Variants in PLCL2 observed in about 807,000 individuals in gnomAD.
The protein encoded by PLCL2 is phospholipase C like 2, also known as inactive phospholipase C-like protein 2.
A neutral mutation model predicts 79.6 loss-of-function variants in PLCL2; 4 were observed. The ratio of observed to expected loss-of-function variants is 0.05; its 90% CI spans 0.02 to 0.11. PLCL2 has a LOEUF of 0.11. PLCL2 is among the 10% of genes least tolerant of loss of function. The pLI, the probability that PLCL2 is intolerant of heterozygous loss-of-function variation, is 1.00. For synonymous variants in PLCL2, 484 were observed against 457.7 expected (o/e 1.06, Z -0.73); for missense variants, 895 against 1,291.0 (o/e 0.69, Z 4.70).
intron 3 of PLCL2, among the ~76,000 whole-genome samples, chr3:17,019,090 G>A (rs1256708048): frequency 6.6e-6 from 1 of 152,116 alleles, no homozygotes; most frequent in Non-Finnish European, 1.5e-5. Context: ...GTTAGTTTCA[G>A]GTTCAGAGAT....
intron 1 of PLCL2, among the ~76,000 whole-genome samples, chr3:16,944,885 G>C (rs957763271): frequency 1.3e-5 from 2 of 151,470 alleles, no homozygotes; most frequent in African/African-American, 2.4e-5. Context: ...TCAGCCTCCC[G>C]AGTAGCTGGG....
At chr3:16,922,256 T>C (rs1010634703) in intron 1 of PLCL2, among the ~76,000 whole-genome samples, 1 of 152,228 alleles carries the variant, frequency 6.6e-6, no homozygotes, top group African/African-American at 2.4e-5. Flanking sequence ...ATTTTAAGCA[T>C]ATTACCTCCC....
intron 5 of PLCL2, among the ~76,000 whole-genome samples, chr3:17,077,564 A>G (rs1424634754): frequency 3.9e-5 from 6 of 152,222 alleles, no homozygotes; most frequent in Non-Finnish European, 8.8e-5. Flanking sequence ...AGCTTAATCA[A>G]GACTTCCTCT....
At chr3:16,905,554 A>G (rs1478941416) in intron 1 of PLCL2, among the ~76,000 whole-genome samples, 1 of 152,150 alleles carries the variant, frequency 6.6e-6, no homozygotes, top group African/African-American at 2.4e-5. Context: ...GAGAAGTATA[A>G]TTATTTACAC....
intron 4 of PLCL2, among the ~76,000 whole-genome samples, chr3:17,049,268 T>G (rs1405809213): frequency 6.6e-6 from 1 of 152,206 alleles, no homozygotes; most frequent in Non-Finnish European, 1.5e-5. Flanking sequence ...AAGGATGGTT[T>G]GATAATTTTA....
intron 5 of PLCL2, among the ~76,000 whole-genome samples, chr3:17,076,702 C>G (rs1222075880): frequency 1.3e-5 from 2 of 152,080 alleles, no homozygotes; most frequent in Admixed American, 6.5e-5. Flanking sequence ...TAGGTTTTGC[C>G]ATGTTCCCCA....
At position 17,089,007 on chromosome 3, in the gene PLCL2, C is replaced by T. The variant is rs114175602; in HGVS notation, c.3205-726C>T. ...GCTTCACTCTTTCTTTCAGCAAATG[C>T]TCAGTGAGGACCTGCTGCGTGCCCA... On this transcript the variant is annotated intron_variant, in intron 5 of 5. Coordinates refer to ENST00000615277, the MANE Select transcript of PLCL2 (RefSeq NM_001144382.2). Among the ~76,000 whole-genome samples, 778 of 152,312 alleles carry T rather than the reference C, an allele frequency of 5.1e-3. 8 individuals carry two copies. Among genetic ancestry groups the T allele is most frequent in the African/African-American group, 0.017 (718 of 41,550 alleles).
intron 1 of PLCL2, among the ~76,000 whole-genome samples, chr3:16,888,693 T>C (rs1472421847): frequency 1.3e-5 from 2 of 152,248 alleles, no homozygotes; most frequent in East Asian, 3.8e-4. Flanking sequence ...ATGGCATCCC[T>C]TATTTGCAAA....
intron 3 of PLCL2, among the ~76,000 whole-genome samples, chr3:17,039,957 A>G (rs911299760): frequency 1.3e-5 from 2 of 152,186 alleles, no homozygotes; most frequent in African/African-American, 4.8e-5. Flanking sequence ...CCATTACACT[A>G]CAAGTGCTTC....
chr3:16,977,021 C>A (rs957825635), intron 1 of PLCL2, among the ~76,000 whole-genome samples: 1 of 152,024 alleles, frequency 6.6e-6, no homozygotes, highest in African/African-American at 2.4e-5. Context: ...AGTACTGAGT[C>A]TTAAATATAA....
At chr3:17,085,661 G>A (rs1207933328) in intron 5 of PLCL2, among the ~76,000 whole-genome samples, 2 of 151,624 alleles carry the variant, frequency 1.3e-5, no homozygotes, top group African/African-American at 4.9e-5. Context: ...ATGTTAGCCA[G>A]GATGGTCTCG....
chr3:17,063,257 C>T, intron 4 of PLCL2, among the ~76,000 whole-genome samples: 1 of 33,260 alleles, frequency 3.0e-5, no homozygotes, highest in Non-Finnish European at 5.4e-5. Flanking sequence ...TTCCTCCCTT[C>T]CTCCCTTCCT....
At chr3:16,994,840 T>G (rs886550316) in intron 1 of PLCL2, among the ~76,000 whole-genome samples, 1 of 152,140 alleles carries the variant, frequency 6.6e-6, no homozygotes, top group African/African-American at 2.4e-5. Context: ...GCTCCGTTAT[T>G]ACATCCAGCA....
chr3:16,930,651 T>C (rs1226369211), intron 1 of PLCL2, among the ~76,000 whole-genome samples: 2 of 152,152 alleles, frequency 1.3e-5, no homozygotes, highest in Non-Finnish European at 2.9e-5. Context: ...CAAGTGATAC[T>C]TCTGTAAACT....
chr3:17,020,744 T>C (rs2064441436), intron 3 of PLCL2, among the ~76,000 whole-genome samples: 1 of 152,206 alleles, frequency 6.6e-6, no homozygotes, highest in African/African-American at 2.4e-5. Flanking sequence ...TAGTCTCTTC[T>C]AACACATGAC....
intron 1 of PLCL2, among the ~76,000 whole-genome samples, chr3:16,917,178 C>A (rs913474840): frequency 8.5e-5 from 13 of 152,178 alleles, no homozygotes; most frequent in Admixed American, 2.0e-4. Context: ...CAGTGTATTC[C>A]TCTTCCTTTC....
At position 17,011,535 on chromosome 3, in the gene PLCL2, C is replaced by T; in HGVS notation, c.2189C>T (p.Pro730Leu). ...GGAAACTGTGGCTATGTCCTCCGGC[C>T]AGCCATCATGAGGGAGGAGGTCTCC... ...QNGNCGYVLR[P>L]AIMREEVSFF... Residue 730 changes from proline (P) to leucine (L), a missense_variant, in exon 2 of 6, where the codon CCA (proline) becomes CTA (leucine). Pro to Leu is a moderately conservative substitution (Grantham distance 98, BLOSUM62 -3). Transcript: ENST00000615277. The surrounding 1 kb of genome is among the most constrained non-coding windows in gnomAD (Gnocchi z 7.9). The T allele has an allele frequency of 6.2e-7, 1 of 1,614,146 alleles. No homozygotes were observed. Among genetic ancestry groups the T allele is most frequent in the Non-Finnish European group, 8.5e-7 (1 of 1,180,024 alleles).
Position 16,983,434 on chromosome 3 carries a change from C to T in PLCL2, c.328-26240C>T, listed in dbSNP as rs1278989282. Among the ~76,000 whole-genome samples, 11 of 152,184 alleles carry T rather than the reference C, an allele frequency of 7.2e-5. 1 individual carries two copies. The South Asian group carries it at 1.7e-3, about 23-fold the overall frequency. ...TTGTAATCCCTACACTTTGGGAGGC[C>T]GAGGCGGGCGGATCACCTGAGGTCA... On this transcript the variant is annotated intron_variant, in intron 1 of 5. Transcript: ENST00000615277.
chr3:16,966,705 G>T (rs1228064429), intron 1 of PLCL2, among the ~76,000 whole-genome samples: 1 of 151,936 alleles, frequency 6.6e-6, no homozygotes, highest in Non-Finnish European at 1.5e-5. Flanking sequence ...GCCTGTCATT[G>T]GTCTATTCAG....
Sources: allele counts gnomAD v4.1 joint callset (sites outside exome capture counted in the v4.1 genomes callset), GRCh38; gene constraint gnomAD v4.1.1; non-coding constraint Gnocchi (gnomAD v3.1); transcripts MANE v1.5; gene names NCBI Gene and HGNC (gene_info 2026-07-23, HGNC 2026-07-21).